DIP2C: variants seen among roughly 807,000 people sequenced by gnomAD.
DIP2C encodes the protein DIP2 acetate--CoA ligase C (putative).
In DIP2C, 33 loss-of-function variants were observed where a neutral mutation model predicts 192.4. The observed-to-expected ratio is 0.17, with a 90% confidence interval of 0.13 to 0.23. The LOEUF (loss-of-function observed/expected upper bound fraction) is 0.23. Among genes scored for constraint, DIP2C ranks in the 10% least tolerant of loss-of-function variants. The pLI is 1.00. For missense variants in DIP2C, 1,537 were observed against 2,110.1 expected, an observed-to-expected ratio of 0.73 and a Z score of 5.32; for synonymous variants, 979 against 864.1, an observed-to-expected ratio of 1.13 and a Z score of -2.33.
chr10:438,448 T>C (rs900416104), intron 4 of DIP2C, among the ~76,000 whole-genome samples: 1 of 152,180 alleles, frequency 6.6e-6, no homozygotes, highest in South Asian at 2.1e-4. Flanking sequence ...TTTTTTACCA[T>C]AAGTTTTGGC....
At chr10:655,103 T>G (rs1351196474) in intron 1 of DIP2C, among the ~76,000 whole-genome samples, 2 of 152,024 alleles carry the variant, frequency 1.3e-5, no homozygotes. Flanking sequence ...CCCATACACA[T>G]GGGGGAATGG....
chr10:283,251 G>C (rs768827016), intron 35 of DIP2C, 21 bp downstream of exon 35: 11 of 1,603,494 alleles, frequency 6.9e-6, no homozygotes, highest in Non-Finnish European at 9.4e-6. Context: ...TTGGGGGGGG[G>C]CCGCCAGCCT....
At chr10:639,135 T>G (rs963374355) in intron 1 of DIP2C, among the ~76,000 whole-genome samples, 168 of 150,290 alleles carry the variant, frequency 1.1e-3, no homozygotes, top group African/African-American at 4.0e-3. Flanking sequence ...AGTCCACACA[T>G]GGGGACGCGT....
intron 6 of DIP2C, among the ~76,000 whole-genome samples, chr10:418,712 C>G (rs1965971582): frequency 6.6e-6 from 1 of 152,254 alleles, no homozygotes; most frequent in Admixed American, 6.5e-5. Flanking sequence ...TCTTGCTCTT[C>G]TAAGTGACTG....
chr10:374,048 A>G lies in DIP2C; in HGVS notation c.1992-4415T>C, dbSNP rs183929003. The stretch of plus-strand genomic sequence containing the variant: ...CCTGGTGTTGGATCTGATCACCCCA[A>G]CATTCTAAAACTCACTCTCTTCACT... On this transcript the variant is annotated intron_variant, in intron 17 of 36. Coordinates refer to ENST00000280886, the MANE Select transcript of DIP2C (RefSeq NM_014974.3). Among the ~76,000 whole-genome samples, 41 of 152,182 alleles carry G rather than the reference A, an allele frequency of 2.7e-4. No homozygotes were observed. In the East Asian group the frequency reaches 7.7e-3, roughly 29 times the overall value.
chr10:547,485 C>T (rs189147443), intron 1 of DIP2C, among the ~76,000 whole-genome samples: 1 of 152,180 alleles, frequency 6.6e-6, no homozygotes, highest in East Asian at 1.9e-4. Flanking sequence ...AATACTCAGG[C>T]CTCATGTTAC....
At chr10:583,849 G>A (rs547638418) in intron 1 of DIP2C, among the ~76,000 whole-genome samples, 1 of 152,214 alleles carries the variant, frequency 6.6e-6, no homozygotes, top group African/African-American at 2.4e-5. Flanking sequence ...TGGAAGACCT[G>A]AGGGCCCACA....
At chr10:343,703 C>T (rs1958272682) in intron 28 of DIP2C, among the ~76,000 whole-genome samples, 1 of 152,200 alleles carries the variant, frequency 6.6e-6, no homozygotes, top group Admixed American at 6.5e-5. Context: ...CCTAAAATTA[C>T]CCACCCACTC....
chr10:411,981 A>G (rs1965218154), intron 8 of DIP2C, among the ~76,000 whole-genome samples: 5 of 152,246 alleles, frequency 3.3e-5, no homozygotes, highest in Admixed American at 3.3e-4. Context: ...AATACAACAT[A>G]TAGATGATTA....
chr10:662,228 G>A, intron 1 of DIP2C: 1 of 660,776 alleles, frequency 1.5e-6, no homozygotes, highest in Non-Finnish European at 2.8e-6. Flanking sequence ...TCTCATTCCT[G>A]GGTTCCTAGC....
chr10:584,913 CG>C (rs1850915645), intron 1 of DIP2C, among the ~76,000 whole-genome samples: 1 of 132,026 alleles, frequency 7.6e-6, no homozygotes, highest in African/African-American at 3.0e-5. Context: ...TCAGGGCCCG[CG>C]ACCTGACCCC....
At chr10:440,478 C>T (rs190727617) in intron 4 of DIP2C, among the ~76,000 whole-genome samples, 19 of 152,280 alleles carry the variant, frequency 1.2e-4, no homozygotes, top group Admixed American at 3.3e-4. Context: ...TGTTCTAAAA[C>T]AATACAACAA....
chr10:583,583 C>T (rs1276416649), intron 1 of DIP2C, among the ~76,000 whole-genome samples: 1 of 152,220 alleles, frequency 6.6e-6, no homozygotes, highest in Non-Finnish European at 1.5e-5. Flanking sequence ...TGTCCCACAG[C>T]CTCACCTGGG....
At chr10:573,717 C>T (rs1370092185) in intron 1 of DIP2C, among the ~76,000 whole-genome samples, 10 of 151,726 alleles carry the variant, frequency 6.6e-5, no homozygotes, top group Admixed American at 3.3e-4. Context: ...CTTTTTTTTT[C>T]CTCTTTTCTT....
At chr10:400,948 GGC>G (rs1964381460) in intron 9 of DIP2C, among the ~76,000 whole-genome samples, 1 of 148,122 alleles carries the variant, frequency 6.8e-6, no homozygotes, top group Non-Finnish European at 1.5e-5. Flanking sequence ...TTACACGTGT[GGC>G]AGCATTAGCA....
At chr10:570,522 G>A (rs1275939475) in intron 1 of DIP2C, among the ~76,000 whole-genome samples, 5 of 152,034 alleles carry the variant, frequency 3.3e-5, no homozygotes, top group East Asian at 3.9e-4. Context: ...CAGCCCAGAG[G>A]CCTGCGCTCT....
intron 31 of DIP2C, among the ~76,000 whole-genome samples, 184 bp downstream of exon 31, chr10:326,822 G>A: frequency 6.6e-6 from 1 of 152,180 alleles, no homozygotes; most frequent in East Asian, 1.9e-4. Flanking sequence ...TATGAATAAT[G>A]GATACGAACG....
At chr10:329,754 T>C (rs560121375) in intron 29 of DIP2C, among the ~76,000 whole-genome samples, 153 bp from the exon 30 acceptor site, 1 of 152,324 alleles carries the variant, frequency 6.6e-6, no homozygotes, top group African/African-American at 2.4e-5. Context: ...AAGCCAACGC[T>C]GCAAACTGCA....
chr10:585,820 C>T (rs930002101), intron 1 of DIP2C, among the ~76,000 whole-genome samples: 1 of 152,158 alleles, frequency 6.6e-6, no homozygotes, highest in African/African-American at 2.4e-5. Flanking sequence ...AGTTACATGA[C>T]CCAAAGATGA....
Sources: allele counts gnomAD v4.1 joint callset (sites outside exome capture counted in the v4.1 genomes callset), GRCh38; gene constraint gnomAD v4.1.1; transcripts MANE v1.5; gene names NCBI Gene and HGNC (gene_info 2026-07-23, HGNC 2026-07-21).